Variants in PIK3R2 observed in about 807,000 individuals in gnomAD.
The protein encoded by PIK3R2 is phosphoinositide-3-kinase regulatory subunit 2.
In PIK3R2, 40 loss-of-function variants were observed where a neutral mutation model predicts 78.5. The observed-to-expected ratio is 0.51, with a 90% CI of 0.40 to 0.66. PIK3R2 has a LOEUF of 0.66. Ranked by LOEUF, PIK3R2 falls within the 30% of genes least tolerant of loss-of-function variation. The pLI, the probability that PIK3R2 is intolerant of heterozygous loss-of-function variation, is 0.00. For synonymous variants in PIK3R2, 473 were observed against 457.7 expected (o/e 1.03, Z -0.43); for missense variants, 880 against 1,026.6 (o/e 0.86, Z 1.95).
chr19:18,153,861 G>T (rs2043648910), intron 1 of PIK3R2, among the ~76,000 whole-genome samples: 1 of 152,172 alleles, frequency 6.6e-6, no homozygotes, highest in South Asian at 2.1e-4. Context: ...GCGGTTTTCT[G>T]GGCATCCCCT....
chr19:18,168,567 A>G lies in PIK3R2; in HGVS notation c.1808+21A>G. 1.3e-6 allele frequency: 1 copy of G among 782,022 alleles called. No homozygotes were observed. Among genetic ancestry groups the G allele is most frequent in the Non-Finnish European group, 2.4e-6 (1 of 420,256 alleles). The allele number at this position is 782,022 out of a possible 1,614,324, so 48.4% of individuals were successfully genotyped here. On this transcript the variant is annotated intron_variant, in intron 14 of 15. Coordinates refer to ENST00000222254, the MANE Select transcript of PIK3R2 (RefSeq NM_005027.4). This position sits in a 1 kb window ranked among gnomAD's most constrained non-coding sequence, Gnocchi z 4.1. ...GAGGAGTGAGTGACCGTCTGGAGGG[A>G]GGCAGGGAGGGCTTCCCAGAGGAGG...
intron 11 of PIK3R2, among the ~76,000 whole-genome samples, chr19:18,164,148 TA>T (rs1203244441): frequency 1.3e-5 from 2 of 151,650 alleles, no homozygotes; most frequent in Non-Finnish European, 2.9e-5. Flanking sequence ...ATAATTAAAA[TA>T]AAAAAATAAG....
At position 18,162,957 on chromosome 19, in the gene PIK3R2, C is replaced by T. The variant is rs1599977480; in HGVS notation, c.1110-10C>T. 26 of 1,612,000 alleles carry T rather than the reference C, an allele frequency of 1.6e-5. No individual in the cohort carries two copies. The highest frequency in any genetic ancestry group is 2.1e-5 in the Non-Finnish European group (25 of 1,178,604). On this transcript the variant is annotated splice_polypyrimidine_tract_variant and intron_variant, in intron 9 of 15. Transcript: ENST00000222254. ...TCCCACTGGGTGCCGACACCCCTCT[C>T]CTCCCCCAGGAAAGGCGGGAACAAT...
Position 18,161,622 on chromosome 19 carries a change from C to T in PIK3R2, c.815+127C>T. Reference sequence around the variant, plus strand: ...GGATGGGGTCCAGAGTGAGAAGCTGCGTTCTTGTGATGACGGAGCGGAGAC... The same window carrying T: ...GGATGGGGTCCAGAGTGAGAAGCTGTGTTCTTGTGATGACGGAGCGGAGAC... On this transcript the variant is annotated intron_variant, in intron 6 of 15. Coordinates refer to ENST00000222254, the MANE Select transcript of PIK3R2 (RefSeq NM_005027.4). The surrounding 1 kb of genome is among the most constrained non-coding windows in gnomAD (Gnocchi z 5.3). The T allele has an allele frequency of 4.1e-6, 2 of 488,360 alleles. No homozygotes were observed. The highest frequency in any genetic ancestry group is 6.9e-6 in the Non-Finnish European group (2 of 287,816). The allele number at this position is 488,360 out of a possible 1,614,324, so 30.3% of individuals were successfully genotyped here.
chr19:18,164,199 A>G (rs1174671485), intron 11 of PIK3R2, among the ~76,000 whole-genome samples: 1 of 152,180 alleles, frequency 6.6e-6, no homozygotes, highest in Non-Finnish European at 1.5e-5. Flanking sequence ...ACAGATGAGA[A>G]GGGCCCAACC....
Position 18,161,497 on chromosome 19 carries a change from TGAGGG to T in PIK3R2, c.815+4_815+8del. ...GCCGCCAGGGGGCGCTCCCGACGGGTGAGGGGCGGGGCGGAGCCGGAGCGAGCAGG... is the reference window on the plus strand; with the variant it reads ...GCCGCCAGGGGGCGCTCCCGACGGGTGCGGGGCGGAGCCGGAGCGAGCAGG... On this transcript the variant is annotated splice_donor_5th_base_variant and intron_variant, in intron 6 of 15. Transcript: ENST00000222254. This position sits in a 1 kb window ranked among gnomAD's most constrained non-coding sequence, Gnocchi z 5.3. 1 of 932,228 alleles carries T rather than the reference TGAGGG, an allele frequency of 1.1e-6. No individual in the cohort carries two copies. The highest frequency in any genetic ancestry group is 1.3e-6 in the Non-Finnish European group (1 of 776,836). The allele number at this position is 932,228 out of a possible 1,614,324, so 57.7% of individuals were successfully genotyped here. A position where few individuals can be genotyped will look rare whatever the true frequency, so the allele number is the denominator to read the frequency against.
intron 11 of PIK3R2, among the ~76,000 whole-genome samples, chr19:18,165,622 C>T (rs913345622): frequency 6.6e-6 from 1 of 152,192 alleles, no homozygotes; most frequent in Non-Finnish European, 1.5e-5. Context: ...CCACTTTAGC[C>T]TCCCTACTAG....
Position 18,155,808 on chromosome 19 carries a change from C to T in PIK3R2, c.-72C>T. On this transcript the variant is annotated 5_prime_UTR_variant, in exon 2 of 16. Transcript: ENST00000222254. ...AACCCAGCGGACCCTCCCAGCCCTG[C>T]TTCAACCAATGGGGCCAGTGGGGCT... 7.1e-7 allele frequency: 1 copy of T among 1,402,368 alleles called. No individual in the cohort carries two copies. Among genetic ancestry groups the T allele is most frequent in the African/African-American group, 1.5e-5 (1 of 67,776 alleles). The allele number at this position is 1,402,368 out of a possible 1,614,324, so 86.9% of individuals were successfully genotyped here.
At chr19:18,164,933 A>G (rs889836742) in intron 11 of PIK3R2, among the ~76,000 whole-genome samples, 4 of 150,000 alleles carry the variant, frequency 2.7e-5, no homozygotes, top group East Asian at 2.0e-4. Flanking sequence ...AAATTTAATA[A>G]AATTAAAAGG....
intron 9 of PIK3R2, 130 bp downstream of exon 9, chr19:18,162,636 C>T (rs2043762355): frequency 2.6e-6 from 2 of 764,594 alleles, no homozygotes; most frequent in South Asian, 1.7e-5. Context: ...GTAATCCCAG[C>T]ACTTTGGGAG....
rs1371679913 is a variant in PIK3R2 at position 18,169,862 on chromosome 19, GT to G, written c.*570del. ...ACCCCGAAGTGAAACCCGCCACCGG[GT>G]TACCCCCACAAGGGGGCCGCTGCGA... On this transcript the variant is annotated 3_prime_UTR_variant, in exon 16 of 16. Transcript: ENST00000222254. 8 of 203,148 alleles carry G rather than the reference GT, an allele frequency of 3.9e-5. No homozygotes were observed. The highest frequency in any genetic ancestry group is 8.1e-5 in the Non-Finnish European group (8 of 98,586). The allele number at this position is 203,148 out of a possible 1,614,324, so 12.6% of individuals were successfully genotyped here.
chr19:18,166,542 C>T (rs530153027), intron 12 of PIK3R2, among the ~76,000 whole-genome samples: 2 of 152,004 alleles, frequency 1.3e-5, no homozygotes, highest in Non-Finnish European at 2.9e-5. Flanking sequence ...GAAACCCTGT[C>T]TCTATTAAAA....
chr19:18,168,596 C>A lies in PIK3R2; in HGVS notation c.1808+50C>A. The A allele has an allele frequency of 1.2e-6, 1 of 821,202 alleles. No individual in the cohort carries two copies. Among genetic ancestry groups the A allele is most frequent in the Non-Finnish European group, 2.2e-6 (1 of 458,972 alleles). 50.9% of individuals were successfully genotyped at this position (821,202 alleles called of 1,614,324 possible). ...AGGGAGGGCTTCCCAGAGGAGGGGG[C>A]CATTTGGGGTGGGTTTCGAAGAATG... On this transcript the variant is annotated intron_variant, in intron 14 of 15. Coordinates refer to ENST00000222254, the MANE Select transcript of PIK3R2 (RefSeq NM_005027.4). This position sits in a 1 kb window ranked among gnomAD's most constrained non-coding sequence, Gnocchi z 4.1.
In PIK3R2 at chr19:18,167,718, G is replaced by A. The variant is rs1383207902; in HGVS notation, c.1736+412G>A. On this transcript the variant is annotated intron_variant, in intron 13 of 15. Coordinates refer to ENST00000222254, the MANE Select transcript of PIK3R2 (RefSeq NM_005027.4). The surrounding 1 kb of genome is among the most constrained non-coding windows in gnomAD (Gnocchi z 4.5). ...ACTAAAAATAAAAAATACAAAACCC[G>A]GCCAGGCATGGTGGTGGGCGCCTGT... Among the ~76,000 whole-genome samples the A allele has an allele frequency of 4.6e-5, 7 of 151,978 alleles. No homozygotes were observed. The highest frequency in any genetic ancestry group is 7.3e-5 in the African/African-American group (3 of 41,370).
At chr19:18,166,860 T>C (rs1439249527) in intron 12 of PIK3R2, among the ~76,000 whole-genome samples, 1 of 151,714 alleles carries the variant, frequency 6.6e-6, no homozygotes, top group Non-Finnish European at 1.5e-5. Flanking sequence ...GGAGGCCGGG[T>C]GCAGTGGCTC....
At chr19:18,163,446 G>A (rs2043774301) in intron 11 of PIK3R2, 58 bp downstream of exon 11, 10 of 1,600,672 alleles carry the variant, frequency 6.2e-6, no homozygotes, top group East Asian at 2.2e-5. Flanking sequence ...TGGCAAGGCC[G>A]GGAGCAGGAT....
Position 18,169,323 on chromosome 19 carries a change from G to T in PIK3R2, c.*29G>T. On this transcript the variant is annotated 3_prime_UTR_variant, in exon 16 of 16. Transcript: ENST00000222254. ...CCGAGGACCCGCCCCAAGCAGAGCC[G>T]CCCCTGGGCCCGTCTGCGCCGGAGG... 2 of 1,309,742 alleles carry T rather than the reference G, an allele frequency of 1.5e-6. No homozygotes were observed. Among genetic ancestry groups the T allele is most frequent in the East Asian group, 3.2e-5 (1 of 31,110 alleles). The allele number at this position is 1,309,742 out of a possible 1,614,324, so 81.1% of individuals were successfully genotyped here.
At position 18,153,199 on chromosome 19, in the gene PIK3R2, A is replaced by G; in HGVS notation, c.-519A>G. 6.5e-6 allele frequency: 1 copy of G among 153,388 alleles called. No homozygotes were observed. Among genetic ancestry groups the G allele is most frequent in the South Asian group, 1.8e-4 (1 of 5,644 alleles). 9.5% of individuals were successfully genotyped at this position (153,388 alleles called of 1,614,324 possible). A position where few individuals can be genotyped will look rare whatever the true frequency, so the allele number is the denominator to read the frequency against. Reference sequence around the variant, plus strand: ...AACCGTGGCGGCGGCGGAGGCGGGGATCCCGCGGCTGCGGCGACGGTGGCC... The same window carrying G: ...AACCGTGGCGGCGGCGGAGGCGGGGGTCCCGCGGCTGCGGCGACGGTGGCC... On this transcript the variant is annotated 5_prime_UTR_variant, in exon 1 of 16. Transcript: ENST00000222254.
At position 18,156,025 on chromosome 19, in the gene PIK3R2, G is replaced by A. The variant is rs778690366; in HGVS notation, c.146G>A (p.Arg49His). ...CTGGGCGTGGCCGAGGGTGGCGAGC[G>A]CTGCCCACAGAGCGTGGGCTGGATG... ...QALGVAEGGE[R>H]CPQSVGWMPG... The change falls in exon 2 of 16, where the codon CGC (arginine) becomes CAC (histidine). Residue 49 changes from arginine to histidine, a missense_variant. Transcript: ENST00000222254. This position sits in a 1 kb window ranked among gnomAD's most constrained non-coding sequence, Gnocchi z 4.2. 7.1e-6 allele frequency: 11 copies of A among 1,559,088 alleles called. No individual in the cohort carries two copies. The highest frequency in any genetic ancestry group is 2.7e-5 in the African/African-American group (2 of 73,416).
Sources: allele counts gnomAD v4.1 joint callset (sites outside exome capture counted in the v4.1 genomes callset), GRCh38; gene constraint gnomAD v4.1.1; non-coding constraint Gnocchi (gnomAD v3.1); transcripts MANE v1.5; gene names NCBI Gene and HGNC (gene_info 2026-07-23, HGNC 2026-07-21).